The following KLHDC4 variants were observed in gnomAD, a reference collection of about 807,000 sequenced individuals.
KLHDC4 encodes the protein kelch domain containing 4, also known as kelch domain-containing protein 4.
In KLHDC4, 90 loss-of-function variants were observed where a neutral mutation model predicts 62.4. That is an observed-to-expected ratio of 1.44 (90% CI 1.22 to 1.72). The LOEUF (loss-of-function observed/expected upper bound fraction) is 1.72. Ranked by LOEUF, KLHDC4 falls within the 40% of genes most tolerant of loss-of-function variation. KLHDC4 has a pLI of 0.00. For missense variants in KLHDC4, 1,025 were observed against 699.7 expected, an observed-to-expected ratio of 1.47 and a Z score of -5.25; for synonymous variants, 386 against 284.4, an observed-to-expected ratio of 1.36 and a Z score of -3.59.
At chr16:87,732,337 T>A (rs904733332) in intron 5 of KLHDC4, among the ~76,000 whole-genome samples, 1 of 151,960 alleles carries the variant, frequency 6.6e-6, no homozygotes, top group Non-Finnish European at 1.5e-5. Context: ...CTCAGGTGAT[T>A]TGCCTGCCTC....
intron 4 of KLHDC4, among the ~76,000 whole-genome samples, chr16:87,751,578 T>C (rs1422914267): frequency 6.6e-6 from 1 of 152,232 alleles, no homozygotes; most frequent in Non-Finnish European, 1.5e-5. Flanking sequence ...TTTAATTCTT[T>C]TCATTTTTTT....
intron 4 of KLHDC4, among the ~76,000 whole-genome samples, chr16:87,754,331 G>A (rs2090178627): frequency 6.6e-6 from 1 of 152,136 alleles, no homozygotes. Context: ...GGGTGACAGA[G>A]CAAGACTCCA....
chr16:87,761,264 G>A (rs1042102213), intron 2 of KLHDC4, among the ~76,000 whole-genome samples: 3 of 152,212 alleles, frequency 2.0e-5, no homozygotes, highest in African/African-American at 7.2e-5. Context: ...TGAGGCCGGT[G>A]GGTGGGACTC....
At chr16:87,720,067 C>T (rs2037950296) in intron 7 of KLHDC4, among the ~76,000 whole-genome samples, 1 of 152,222 alleles carries the variant, frequency 6.6e-6, no homozygotes, top group African/African-American at 2.4e-5. Context: ...AATGCAGCTG[C>T]TTTGGCTCAC....
At chr16:87,714,840 C>T (rs2036618056) in intron 7 of KLHDC4, among the ~76,000 whole-genome samples, 1 of 152,230 alleles carries the variant, frequency 6.6e-6, no homozygotes, top group Non-Finnish European at 1.5e-5. Flanking sequence ...GCACGCACAG[C>T]TTCCACAGCA....
At chr16:87,731,446 A>G (rs556302479) in intron 5 of KLHDC4, among the ~76,000 whole-genome samples, 1 of 151,852 alleles carries the variant, frequency 6.6e-6, no homozygotes, top group Admixed American at 6.6e-5. Flanking sequence ...AAAGTTCGTA[A>G]GATAGAAAAA....
In KLHDC4 at chr16:87,748,085, C is replaced by G. The variant is rs567778086; in HGVS notation, c.506+588G>C. 3.9e-5 allele frequency among the ~76,000 whole-genome samples: 6 copies of G among 152,332 alleles called. No homozygotes were observed. The South Asian group carries it at 1.0e-3, about 26-fold the overall frequency. ...AATAATTTATATGCAAACATGCCAT[C>G]TGGCTCTCTACACGGAGAGACAAAC... On this transcript the variant is annotated intron_variant, in intron 5 of 11. Coordinates refer to ENST00000270583, the MANE Select transcript of KLHDC4 (RefSeq NM_017566.4).
intron 9 of KLHDC4, 98 bp from the exon 10 acceptor site, chr16:87,709,765 C>G: frequency 2.2e-6 from 3 of 1,369,118 alleles, no homozygotes; most frequent in Non-Finnish European, 2.9e-6. Flanking sequence ...GCGGGGACCA[C>G]CCACAAGCGT....
chr16:87,713,292 G>A (rs994777770), intron 8 of KLHDC4, among the ~76,000 whole-genome samples: 4 of 151,526 alleles, frequency 2.6e-5, no homozygotes, highest in Non-Finnish European at 4.4e-5. Context: ...CTCCACCTCC[G>A]AGGTTCACGC....
intron 9 of KLHDC4, chr16:87,709,994 G>A (rs1223490439): frequency 9.6e-6 from 3 of 313,914 alleles, no homozygotes; most frequent in South Asian, 7.9e-5. Context: ...AGCCCCACAG[G>A]CTCCGACGCT....
intron 5 of KLHDC4, among the ~76,000 whole-genome samples, chr16:87,733,382 G>A (rs563307853): frequency 1.1e-4 from 16 of 152,346 alleles, no homozygotes; most frequent in African/African-American, 3.1e-4. Context: ...TGCTTACGCC[G>A]GCCACAGATG....
chr16:87,748,079 T>C (rs760378356), intron 5 of KLHDC4, among the ~76,000 whole-genome samples: 5 of 152,172 alleles, frequency 3.3e-5, no homozygotes, highest in Non-Finnish European at 7.4e-5. Context: ...TATGCAAACA[T>C]GCCATCTGGC....
chr16:87,738,356 TGCAC>T (rs1004735104), intron 5 of KLHDC4, among the ~76,000 whole-genome samples: 1 of 136,288 alleles, frequency 7.3e-6, no homozygotes, highest in African/African-American at 3.1e-5. Flanking sequence ...CACACGGACG[TGCAC>T]ACACACACAC....
At chr16:87,723,773 G>A (rs1179102261) in intron 7 of KLHDC4, among the ~76,000 whole-genome samples, 1 of 152,276 alleles carries the variant, frequency 6.6e-6, no homozygotes, top group Non-Finnish European at 1.5e-5. Context: ...ACAGACCTAT[G>A]TTCCTGCAGG....
intron 8 of KLHDC4, 62 bp from the exon 9 acceptor site, chr16:87,711,505 A>C (rs1455316950): frequency 1.4e-6 from 2 of 1,456,814 alleles, no homozygotes; most frequent in Non-Finnish European, 1.8e-6. Context: ...GAGCCAGCCC[A>C]GGACACGCTC....
At chr16:87,743,892 G>T (rs559667366) in intron 5 of KLHDC4, among the ~76,000 whole-genome samples, 1 of 152,156 alleles carries the variant, frequency 6.6e-6, no homozygotes, top group Non-Finnish European at 1.5e-5. Flanking sequence ...CAATGCTCCC[G>T]ATGGGGAGGA....
rs1487588968 is a variant in KLHDC4, at chr16:87,748,646, A to C, written c.506+27T>G. 5.6e-6 allele frequency: 9 copies of C among 1,613,154 alleles called. No individual in the cohort carries two copies. In the African/African-American group the frequency reaches 1.1e-4, roughly 19 times the overall value. ...ACAAGCACAGAAGAGCCATGCCCGG[A>C]GCTCAGCTTCTCATCTGGCTTCTTA... On this transcript the variant is annotated intron_variant, in intron 5 of 11. Transcript: ENST00000270583.
At chr16:87,757,848 C>T (rs1480640088) in intron 2 of KLHDC4, among the ~76,000 whole-genome samples, 1 of 151,890 alleles carries the variant, frequency 6.6e-6, no homozygotes, top group African/African-American at 2.4e-5. Flanking sequence ...GCCAGGATTG[C>T]ATCATTGCAC....
At chr16:87,757,401 G>A (rs983382967) in intron 2 of KLHDC4, 4 of 151,254 alleles carry the variant, frequency 2.6e-5, no homozygotes, top group Non-Finnish European at 4.4e-5. Flanking sequence ...CTGGGAGTTG[G>A]GGGTTGCAGT....
Sources: gnomAD v4.1 joint callset for allele counts (sites outside exome capture counted in the v4.1 genomes callset) on GRCh38, gnomAD v4.1.1 for gene constraint, MANE v1.5 for transcripts, NCBI Gene and HGNC (gene_info 2026-07-23, HGNC 2026-07-21) for gene names.